The following PDZD9 variants were observed in gnomAD, a reference collection of about 807,000 sequenced individuals.
PDZD9 encodes PDZ domain-containing protein 9.
A neutral mutation model predicts 16.3 loss-of-function variants in PDZD9; 13 were observed. That is an observed-to-expected ratio of 0.80 (90% CI 0.52 to 1.27). The LOEUF (loss-of-function observed/expected upper bound fraction) is 1.27. Ranked by LOEUF, PDZD9 falls within the 50% of genes most tolerant of loss-of-function variation. The pLI, the probability that PDZD9 is intolerant of heterozygous loss-of-function variation, is 0.00. For synonymous variants in PDZD9, 120 were observed against 111.0 expected (o/e 1.08, Z -0.51); for missense variants, 288 against 310.9 (o/e 0.93, Z 0.55).
the PDZD9 span, among the ~76,000 whole-genome samples, chr16:21,969,237 T>C: frequency 6.6e-6 from 1 of 152,082 alleles, no homozygotes. Flanking sequence ...TTTGAACATA[T>C]CTGTTAAAAT....
chr16:21,958,294 A>G, the PDZD9 span, among the ~76,000 whole-genome samples: 2 of 152,250 alleles, frequency 1.3e-5, no homozygotes, highest in African/African-American at 4.8e-5. Flanking sequence ...CTCTTTCAGA[A>G]TAGACTAATG....
At chr16:21,985,032 CACA>C (rs1898842536) in intron 3 of PDZD9, among the ~76,000 whole-genome samples, 1 of 152,182 alleles carries the variant, frequency 6.6e-6, no homozygotes, top group South Asian at 2.1e-4. Flanking sequence ...GTGGCATTAA[CACA>C]ACATTACTGA....
the PDZD9 span, chr16:21,968,545 T>G: frequency 1.0e-5 from 13 of 1,290,176 alleles, no homozygotes; most frequent in Admixed American, 2.3e-4. Context: ...AGTATTTATT[T>G]TCTTCCAAAC....
chr16:21,992,065 A>T (rs911601830), intron 2 of PDZD9, among the ~76,000 whole-genome samples: 1 of 152,032 alleles, frequency 6.6e-6, no homozygotes. Flanking sequence ...GCAAACTTTA[A>T]ATTAGATAAC....
chr16:21,986,413 A>G lies in PDZD9; in HGVS notation c.402-1753T>C, dbSNP rs138782170. Among the ~76,000 whole-genome samples, 6 of 152,206 alleles carry G rather than the reference A, an allele frequency of 3.9e-5. No individual in the cohort carries two copies. The East Asian group carries it at 7.7e-4, about 20-fold the overall frequency. The stretch of plus-strand genomic sequence containing the variant: ...TTAGAATTTAATATTCTGGATCTCA[A>G]AACTCCTCCATGTAATGAAAATGCT... On this transcript the variant is annotated intron_variant, in intron 3 of 3. Coordinates refer to ENST00000424898, the MANE Select transcript of PDZD9 (RefSeq NM_001363519.1).
chr16:21,957,682 T>C, the PDZD9 span: 1 of 1,424,884 alleles, frequency 7.0e-7, no homozygotes, highest in South Asian at 1.4e-5. Context: ...CCATAACAAA[T>C]TACCACGGAC....
intron 1 of PDZD9, chr16:21,998,801 A>AAAAAG (rs1414163456): frequency 6.6e-6 from 1 of 151,624 alleles, no homozygotes; most frequent in African/African-American, 2.4e-5. Flanking sequence ...AAAAAAAAAA[A>AAAAAG]AGAGAGAGAA....
chr16:21,976,800 T>G, the PDZD9 span: 1 of 152,208 alleles, frequency 6.6e-6, no homozygotes, highest in African/African-American at 2.4e-5. Context: ...GTTTGAAAAT[T>G]ACAAATAAAA....
the PDZD9 span, among the ~76,000 whole-genome samples, chr16:21,967,168 T>G: frequency 6.6e-6 from 1 of 152,294 alleles, no homozygotes; most frequent in East Asian, 1.9e-4. Context: ...CTTGGAGCAA[T>G]GGCAGCATCA....
downstream of PDZD9, among the ~76,000 whole-genome samples, chr16:21,982,698 C>G (rs116078015): frequency 6.6e-6 from 1 of 152,284 alleles, no homozygotes; most frequent in African/African-American, 2.4e-5. Flanking sequence ...AGGTTGGTGG[C>G]TCACGCCTGT....
the PDZD9 span, chr16:21,968,412 G>C: frequency 1.8e-5 from 7 of 397,454 alleles, no homozygotes; most frequent in Non-Finnish European, 2.7e-5. Flanking sequence ...TCACAGAGTT[G>C]TGCAACCATG....
chr16:21,973,258 CAGT>C, the PDZD9 span, among the ~76,000 whole-genome samples: 2 of 152,172 alleles, frequency 1.3e-5, no homozygotes, highest in African/African-American at 4.8e-5. Flanking sequence ...GGACCTGAGT[CAGT>C]AGGTCCATTT....
the PDZD9 span, among the ~76,000 whole-genome samples, chr16:21,967,512 T>C: frequency 1.3e-5 from 2 of 152,090 alleles, no homozygotes; most frequent in Non-Finnish European, 2.9e-5. Context: ...TGAAAGTACA[T>C]GTTTTAGCCC....
chr16:21,995,617 A>G (rs1446631413), intron 2 of PDZD9, among the ~76,000 whole-genome samples: 3 of 151,772 alleles, frequency 2.0e-5, no homozygotes, highest in Non-Finnish European at 4.4e-5. Flanking sequence ...TTTTTTTTTG[A>G]GACAGAGTCT....
the PDZD9 span, chr16:21,962,894 A>G: frequency 8.1e-6 from 13 of 1,612,484 alleles, no homozygotes; most frequent in Admixed American, 2.0e-4. Flanking sequence ...TCGTAAGTAC[A>G]TTTCCAGATC....
rs1287046278 is a variant in PDZD9 at position 21,996,428 on chromosome 16, C to T, written c.105G>A (p.Val35=). ...LSKTQQTKLT[V]GSLGLGLIII... ...TGATGAGGCCTAATCCCAGGCTACC[C>T]ACAGTGAGTTTGGTCTGCTGTGTTT... The change falls in exon 2 of 4, where the codon GTG becomes GTA. Residue 35 remains valine, a synonymous_variant. Transcript: ENST00000424898. 1.3e-6 allele frequency: 2 copies of T among 1,536,046 alleles called. No individual in the cohort carries two copies. Among genetic ancestry groups the T allele is most frequent in the East Asian group, 2.4e-5 (1 of 40,914 alleles).
At chr16:21,971,466 T>G in the PDZD9 span, 1 of 1,371,448 alleles carries the variant, frequency 7.3e-7, no homozygotes, top group East Asian at 2.3e-5. Context: ...GAAAAAATAT[T>G]TTACGATTGT....
the PDZD9 span, among the ~76,000 whole-genome samples, chr16:21,968,050 A>G: frequency 7.2e-6 from 1 of 138,638 alleles, no homozygotes; most frequent in Non-Finnish European, 1.5e-5. Flanking sequence ...CGCCCAGGCC[A>G]GAGTGCAATG....
chr16:21,993,729 A>G (rs548332349), intron 2 of PDZD9, among the ~76,000 whole-genome samples: 1 of 152,322 alleles, frequency 6.6e-6, no homozygotes, highest in African/African-American at 2.4e-5. Flanking sequence ...CCAGTGGCTT[A>G]ATCCACTGGG....
Sources: allele counts gnomAD v4.1 joint callset (sites outside exome capture counted in the v4.1 genomes callset), GRCh38; gene constraint gnomAD v4.1.1; transcripts MANE v1.5; gene names NCBI Gene and HGNC (gene_info 2026-07-23, HGNC 2026-07-21).